The following ILRUN variants were observed in gnomAD, a reference collection of about 807,000 sequenced individuals.
The protein encoded by ILRUN is inflammation and lipid regulator with UBA-like and NBR1-like domains.
Under a neutral mutation model 33.8 loss-of-function variants are expected in ILRUN, and 3 were observed. The observed-to-expected ratio is 0.09, with a 90% CI of 0.04 to 0.23. ILRUN has a LOEUF of 0.23. Among genes scored for constraint, ILRUN ranks in the 10% least tolerant of loss-of-function variants. The pLI, the probability that ILRUN is intolerant of heterozygous loss-of-function variation, is 1.00. For missense variants in ILRUN, 210 were observed against 375.1 expected, an observed-to-expected ratio of 0.56 and a Z score of 3.64; for synonymous variants, 124 against 138.9, an observed-to-expected ratio of 0.89 and a Z score of 0.75.
intron 1 of ILRUN, among the ~76,000 whole-genome samples, chr6:34,695,453 AACG>A (rs1704674504): frequency 6.6e-6 from 1 of 152,348 alleles, no homozygotes; most frequent in South Asian, 2.1e-4. Flanking sequence ...GTTGCTTAAC[AACG>A]ACAGCAAGTG....
At chr6:34,604,725 C>T (rs541959222) in intron 4 of ILRUN, among the ~76,000 whole-genome samples, 93 of 152,232 alleles carry the variant, frequency 6.1e-4, no homozygotes, top group Non-Finnish European at 9.9e-4. Flanking sequence ...AGATGTGAAA[C>T]GTCTTTCCTC....
At chr6:34,598,821 A>G (rs1343276231) in intron 4 of ILRUN, among the ~76,000 whole-genome samples, 3 of 152,248 alleles carry the variant, frequency 2.0e-5, no homozygotes, top group Non-Finnish European at 4.4e-5. Context: ...CATTCATGCC[A>G]ATGTAAACAC....
chr6:34,674,772 G>C (rs891400382), intron 1 of ILRUN, among the ~76,000 whole-genome samples: 3 of 152,172 alleles, frequency 2.0e-5, no homozygotes, highest in Non-Finnish European at 2.9e-5. Context: ...TTAAAACTCT[G>C]AGTTTCAGCT....
intron 1 of ILRUN, among the ~76,000 whole-genome samples, chr6:34,665,471 T>C (rs1160615614): frequency 1.3e-5 from 2 of 151,698 alleles, no homozygotes; most frequent in South Asian, 2.1e-4. Context: ...GAAGGAGAGA[T>C]ATGGGGGTCT....
chr6:34,636,435 A>G (rs1161530377), intron 3 of ILRUN, among the ~76,000 whole-genome samples: 1 of 152,126 alleles, frequency 6.6e-6, no homozygotes, highest in East Asian at 1.9e-4. Context: ...AAATTACAGA[A>G]CTAATTTCTA....
intron 3 of ILRUN, 30 bp from the exon 4 acceptor site, chr6:34,606,934 C>G (rs778902606): frequency 1.9e-6 from 3 of 1,547,400 alleles, no homozygotes; most frequent in Non-Finnish European, 8.8e-7. Context: ...CATTTCAATG[C>G]CAGGCTTACC....
intron 1 of ILRUN, among the ~76,000 whole-genome samples, chr6:34,680,737 C>A (rs1453854747): frequency 6.6e-6 from 1 of 152,028 alleles, no homozygotes; most frequent in Non-Finnish European, 1.5e-5. Flanking sequence ...TCACGACTGG[C>A]CTATTTTTTA....
chr6:34,693,067 G>A (rs1763679459), intron 1 of ILRUN, among the ~76,000 whole-genome samples: 1 of 151,710 alleles, frequency 6.6e-6, no homozygotes, highest in Admixed American at 6.6e-5. Flanking sequence ...GACAGAATGA[G>A]ACCCTGTCTC....
At chr6:34,668,569 A>C (rs946983096) in intron 1 of ILRUN, among the ~76,000 whole-genome samples, 5 of 152,206 alleles carry the variant, frequency 3.3e-5, no homozygotes, top group African/African-American at 1.2e-4. Flanking sequence ...AAAAGTAAAA[A>C]GTGGCTAAAA....
chr6:34,665,453 CAGAG>C (rs1404509745), intron 1 of ILRUN, among the ~76,000 whole-genome samples: 2 of 151,980 alleles, frequency 1.3e-5, no homozygotes, highest in Non-Finnish European at 1.5e-5. Context: ...AAAAAAGAGA[CAGAG>C]AGAGAAGGAG....
intron 3 of ILRUN, among the ~76,000 whole-genome samples, chr6:34,636,416 TC>T (rs1450972234): frequency 1.3e-5 from 2 of 152,004 alleles, no homozygotes; most frequent in Non-Finnish European, 2.9e-5. Context: ...AGATTTTTTT[TC>T]AAAATAAAAA....
intron 3 of ILRUN, among the ~76,000 whole-genome samples, chr6:34,618,238 T>C (rs1451284464): frequency 6.6e-6 from 1 of 152,180 alleles, no homozygotes; most frequent in Non-Finnish European, 1.5e-5. Flanking sequence ...TAAAGACAAG[T>C]ACAAAGTTAA....
At chr6:34,610,451 TCTA>T (rs1342751530) in intron 3 of ILRUN, among the ~76,000 whole-genome samples, 2 of 152,196 alleles carry the variant, frequency 1.3e-5, no homozygotes, top group East Asian at 1.9e-4. Context: ...ATTCCTTCAC[TCTA>T]CTATTTGTTT....
intron 1 of ILRUN, among the ~76,000 whole-genome samples, chr6:34,665,938 T>C (rs1274153811): frequency 6.6e-6 from 1 of 151,170 alleles, no homozygotes; most frequent in Non-Finnish European, 1.5e-5. Context: ...ACCTTCAGTT[T>C]CATCTATGCT....
At chr6:34,643,314 A>AGT (rs1391760016) in intron 3 of ILRUN, among the ~76,000 whole-genome samples, 3 of 150,688 alleles carry the variant, frequency 2.0e-5, no homozygotes, top group Non-Finnish European at 2.9e-5. Context: ...AAAAAAAAAA[A>AGT]GTGCGTGTGT....
chr6:34,606,706 G>A lies in ILRUN; in HGVS notation c.710C>T (p.Ser237Leu), dbSNP rs369149849. ...AGGAGCCCATGTGTTTTTGCTGATC[G>A]AGTCGAACTCGGAGCCCCCAGGGTC... Reference protein sequence around the residue: ...LKDPGGSEFDSISKNTWAPAP... With the variant: ...LKDPGGSEFDLISKNTWAPAP... Residue 237 changes from serine to leucine, a missense_variant, in exon 4 of 5, where the codon TCG becomes TTG. By Grantham distance (145) the Ser-to-Leu change is moderately radical. This residue lies in a region of ILRUN where 81 missense variants were observed against 97.0 expected (regional missense o/e 0.84). Transcript: ENST00000374023. 1.1e-5 allele frequency: 18 copies of A among 1,614,050 alleles called. No individual in the cohort carries two copies. The highest frequency in any genetic ancestry group is 1.7e-5 in the Admixed American group (1 of 60,002).
chr6:34,626,125 C>T (rs919409474), intron 3 of ILRUN, among the ~76,000 whole-genome samples: 4 of 152,164 alleles, frequency 2.6e-5, no homozygotes, highest in Non-Finnish European at 4.4e-5. Context: ...GCTGGGATTA[C>T]AGGTGTGAGC....
At chr6:34,620,380 C>T (rs1042121894) in intron 3 of ILRUN, among the ~76,000 whole-genome samples, 2 of 152,156 alleles carry the variant, frequency 1.3e-5, no homozygotes, top group African/African-American at 2.4e-5. Flanking sequence ...CATTAAAAAA[C>T]TGCTTACTGT....
At chr6:34,610,984 G>A (rs1051269003) in intron 3 of ILRUN, among the ~76,000 whole-genome samples, 4 of 152,006 alleles carry the variant, frequency 2.6e-5, no homozygotes, top group African/African-American at 7.3e-5. Flanking sequence ...GTTGAGGAAC[G>A]AGGATCACTT....
Sources: gnomAD v4.1 joint callset for allele counts (sites outside exome capture counted in the v4.1 genomes callset) on GRCh38, gnomAD v4.1.1 for gene constraint, gnomAD v4.1.1 regional missense constraint, MANE v1.5 for transcripts, NCBI Gene and HGNC (gene_info 2026-07-23, HGNC 2026-07-21) for gene names.